The following ZFAND6 variants were observed in gnomAD, a reference collection of about 807,000 sequenced individuals.
The protein encoded by ZFAND6 is zinc finger AN1-type containing 6.
ZFAND6 carries 12 observed loss-of-function variants against 24.5 expected under a neutral mutation model. The observed-to-expected ratio is 0.49, with a 90% CI of 0.31 to 0.79. ZFAND6 has a LOEUF of 0.79. ZFAND6 is among the 30% of genes least tolerant of loss of function. The pLI, the probability that ZFAND6 is intolerant of heterozygous loss-of-function variation, is 0.04. For missense variants in ZFAND6, 207 were observed against 245.9 expected (o/e 0.84, Z 1.06); for synonymous variants, 92 against 81.5 (o/e 1.13, Z -0.69).
At chr15:80,077,035 G>A (rs920509053) in intron 1 of ZFAND6, among the ~76,000 whole-genome samples, 1 of 152,218 alleles carries the variant, frequency 6.6e-6, no homozygotes, top group East Asian at 1.9e-4. Flanking sequence ...TTTTCCTTAT[G>A]CACATAGTTT....
intron 6 of ZFAND6, among the ~76,000 whole-genome samples, chr15:80,132,787 C>G (rs1311183063): frequency 6.6e-6 from 1 of 152,006 alleles, no homozygotes; most frequent in Non-Finnish European, 1.5e-5. Flanking sequence ...GAAGTGCTCC[C>G]AAGAAGAAGA....
Position 80,067,835 on chromosome 15 carries a change from G to A in ZFAND6, c.-181+8026G>A, listed in dbSNP as rs541836152. ...GAACTGATGTATTAAGTTTGAAATA[G>A]GAACTTGATTTCTAGTACCAAACAA... is the stretch of plus-strand genomic sequence containing the variant. On this transcript the variant is annotated intron_variant, in intron 1 of 6. Coordinates refer to ENST00000261749, the MANE Select transcript of ZFAND6 (RefSeq NM_019006.4). Among the ~76,000 whole-genome samples the A allele has an allele frequency of 1.2e-3, 184 of 152,042 alleles. 1 individual carries two copies. The highest frequency in any genetic ancestry group is 2.2e-3 in the Admixed American group (34 of 15,268).
intron 2 of ZFAND6, among the ~76,000 whole-genome samples, chr15:80,107,787 C>G (rs2039411248): frequency 6.6e-6 from 1 of 151,492 alleles, no homozygotes; most frequent in African/African-American, 2.4e-5. Flanking sequence ...CCACTGCACT[C>G]CAGCCTGGGC....
At position 80,110,228 on chromosome 15, in the gene ZFAND6, TGAGGCCTGACTACCAG is replaced by T. The variant is rs533426169; in HGVS notation, c.-17-10094_-17-10079del. Among the ~76,000 whole-genome samples the T allele has an allele frequency of 7.2e-5, 11 of 152,324 alleles. No individual in the cohort carries two copies. In the East Asian group the frequency reaches 2.1e-3, roughly 29 times the overall value. Reference sequence around the variant, plus strand: ...TGATAAAATGTGGGAAGGAACTGCATGAGGCCTGACTACCAGGAGGCTCAGGGAATTGGGGCAGACC... The same window carrying T: ...TGATAAAATGTGGGAAGGAACTGCATGAGGCTCAGGGAATTGGGGCAGACC... On this transcript the variant is annotated intron_variant, in intron 2 of 6. Coordinates refer to ENST00000261749, the MANE Select transcript of ZFAND6 (RefSeq NM_019006.4).
intron 1 of ZFAND6, among the ~76,000 whole-genome samples, chr15:80,079,219 C>G (rs954219488): frequency 1.3e-5 from 2 of 151,994 alleles, no homozygotes; most frequent in Non-Finnish European, 2.9e-5. Flanking sequence ...TTACTCTGTT[C>G]TTTCTTTCCT....
At chr15:80,133,747 C>A (rs1035554495) in intron 6 of ZFAND6, among the ~76,000 whole-genome samples, 7 of 152,114 alleles carry the variant, frequency 4.6e-5, no homozygotes, top group African/African-American at 1.7e-4. Flanking sequence ...AGGAGGAGAT[C>A]GTCTAACTTT....
chr15:80,095,003 C>T (rs541356471), intron 1 of ZFAND6, among the ~76,000 whole-genome samples: 1 of 152,134 alleles, frequency 6.6e-6, no homozygotes, highest in Non-Finnish European at 1.5e-5. Context: ...GAGCTCCTGA[C>T]CTCAGGTAAT....
chr15:80,112,814 G>GC (rs2039677338), intron 2 of ZFAND6: 2 of 455,940 alleles, frequency 4.4e-6, no homozygotes, highest in African/African-American at 4.0e-5. Context: ...ATTACTGTAT[G>GC]CAACAGGAAA....
intron 1 of ZFAND6, among the ~76,000 whole-genome samples, chr15:80,090,171 G>A (rs2038266493): frequency 6.6e-6 from 1 of 152,182 alleles, no homozygotes; most frequent in South Asian, 2.1e-4. Flanking sequence ...CTATTAAGTA[G>A]TAAAGCAAGA....
chr15:80,084,122 T>G (rs780867153), intron 1 of ZFAND6, among the ~76,000 whole-genome samples: 1 of 152,174 alleles, frequency 6.6e-6, no homozygotes, highest in Non-Finnish European at 1.5e-5. Context: ...GCACTCTGCT[T>G]CTTATGAAGT....
At chr15:80,079,894 A>C (rs1422464838) in intron 1 of ZFAND6, among the ~76,000 whole-genome samples, 1 of 150,696 alleles carries the variant, frequency 6.6e-6, no homozygotes, top group Non-Finnish European at 1.5e-5. Context: ...CTTGTGATCC[A>C]CCTGCCTCGG....
chr15:80,122,899 G>A (rs2142021033), intron 5 of ZFAND6, 99 bp downstream of exon 5: 1 of 736,432 alleles, frequency 1.4e-6, no homozygotes, highest in Non-Finnish European at 2.1e-6. Flanking sequence ...TAAAATACAT[G>A]TTTTTCTGTT....
chr15:80,120,819 C>G (rs2040113866), intron 3 of ZFAND6: 1 of 158,346 alleles, frequency 6.3e-6, no homozygotes, highest in Admixed American at 6.5e-5. Context: ...GTTCTTTTAT[C>G]TGGTGTGACT....
At chr15:80,129,024 A>G (rs2142043288) in intron 5 of ZFAND6, among the ~76,000 whole-genome samples, 1 of 152,298 alleles carries the variant, frequency 6.6e-6, no homozygotes, top group Non-Finnish European at 1.5e-5. Context: ...AACAGGTTAG[A>G]TATGGCTTAC....
chr15:80,079,649 CTTTT>C (rs574842440), intron 1 of ZFAND6, among the ~76,000 whole-genome samples: 1 of 120,476 alleles, frequency 8.3e-6, no homozygotes, highest in African/African-American at 3.1e-5. Flanking sequence ...TTTTCCTTAG[CTTTT>C]TTTTTTTTTT....
At chr15:80,137,441 C>T in intron 6 of ZFAND6, 39 bp from the exon 7 acceptor site, 1 of 1,571,212 alleles carries the variant, frequency 6.4e-7, no homozygotes. Context: ...CTTAATATTT[C>T]ATCCTTCAAC....
chr15:80,119,273 T>A lies in ZFAND6; in HGVS notation c.-17-1055T>A, dbSNP rs529131825. Among the ~76,000 whole-genome samples the A allele has an allele frequency of 2.2e-4, 33 of 152,298 alleles. 1 individual carries two copies. Among genetic ancestry groups the A allele is most frequent in the Admixed American group, 1.1e-3 (17 of 15,310 alleles). On this transcript the variant is annotated intron_variant, in intron 2 of 6. Coordinates refer to ENST00000261749, the MANE Select transcript of ZFAND6 (RefSeq NM_019006.4). ...ATGCCTCTGTCCTGTTAGTTTTTAG[T>A]ATTTTTTAGTTATAAATACTTAAAA...
chr15:80,071,833 A>G (rs1309337420), intron 1 of ZFAND6, among the ~76,000 whole-genome samples: 2 of 152,004 alleles, frequency 1.3e-5, no homozygotes, highest in African/African-American at 4.8e-5. Flanking sequence ...TTGCTTTTAG[A>G]TATCTGTTTG....
intron 6 of ZFAND6, among the ~76,000 whole-genome samples, chr15:80,132,941 TAA>T (rs3974671): frequency 4.1e-5 from 6 of 145,392 alleles, no homozygotes; most frequent in Non-Finnish European, 6.0e-5. Flanking sequence ...GGACTATTGT[TAA>T]AAAAAAAAAA....
Sources: allele counts gnomAD v4.1 joint callset (sites outside exome capture counted in the v4.1 genomes callset), GRCh38; gene constraint gnomAD v4.1.1; transcripts MANE v1.5; gene names NCBI Gene and HGNC (gene_info 2026-07-23, HGNC 2026-07-21).